SEMA4F: variants seen among roughly 807,000 people sequenced by gnomAD.
SEMA4F encodes ssemaphorin 4F, also known as semaphorin-4F.
In SEMA4F, 51 loss-of-function variants were observed where a neutral mutation model predicts 78.4. The ratio of observed to expected loss-of-function variants is 0.65; its 90% CI spans 0.52 to 0.82. SEMA4F has a LOEUF of 0.82. SEMA4F is among the 40% of genes least tolerant of loss of function. SEMA4F has a pLI of 0.00. For missense variants in SEMA4F, 938 were observed against 1,014.4 expected, an observed-to-expected ratio of 0.92 and a Z score of 1.02; for synonymous variants, 418 against 408.7, an observed-to-expected ratio of 1.02 and a Z score of -0.27.
chr2:74,657,724 C>A, intron 3 of SEMA4F, 100 bp downstream of exon 3: 1 of 1,411,846 alleles, frequency 7.1e-7, no homozygotes, highest in Non-Finnish European at 1.0e-6. Context: ...TGGGCCCAGG[C>A]AGAGACTCTA....
rs764147831 is a variant in SEMA4F, at chr2:74,675,154, T to C, written c.1150-8T>C. On this transcript the variant is annotated splice_region_variant and splice_polypyrimidine_tract_variant and intron_variant, in intron 9 of 13. Coordinates refer to ENST00000357877, the MANE Select transcript of SEMA4F (RefSeq NM_004263.5). ...GAAACTTTGTCACCAGCCCTGTATT[T>C]CCTCTAGTGCATCACCAACAACATG... The C allele has an allele frequency of 2.5e-6, 4 of 1,613,936 alleles. No homozygotes were observed. Among genetic ancestry groups the C allele is most frequent in the Admixed American group, 3.3e-5 (2 of 59,994 alleles).
At chr2:74,672,801 C>T (rs1685054237) in intron 5 of SEMA4F, among the ~76,000 whole-genome samples, 1 of 152,130 alleles carries the variant, frequency 6.6e-6, no homozygotes, top group Non-Finnish European at 1.5e-5. Flanking sequence ...CCTGTGAAAT[C>T]TCCACTCATC....
chr2:74,690,639 A>G, the SEMA4F span, among the ~76,000 whole-genome samples: 3 of 152,256 alleles, frequency 2.0e-5, no homozygotes, highest in African/African-American at 4.8e-5. Flanking sequence ...GAGAAATACA[A>G]TATGACTATT....
chr2:74,675,481 A>AG (rs781330859), intron 10 of SEMA4F, 44 bp from the exon 11 acceptor site: 13 of 1,598,766 alleles, frequency 8.1e-6, no homozygotes, highest in Non-Finnish European at 1.0e-5. Flanking sequence ...TCCCAGGCAC[A>AG]GGGGCAATTA....
At chr2:74,700,453 G>A in the SEMA4F span, among the ~76,000 whole-genome samples, 2 of 152,128 alleles carry the variant, frequency 1.3e-5, no homozygotes, top group African/African-American at 4.8e-5. Context: ...CATGGCATTG[G>A]ATCCAACCAT....
chr2:74,671,347 G>A (rs1684978175), intron 5 of SEMA4F, among the ~76,000 whole-genome samples: 1 of 152,192 alleles, frequency 6.6e-6, no homozygotes, highest in Admixed American at 6.5e-5. Flanking sequence ...GAGACACGCT[G>A]CTTCTCTGGA....
downstream of SEMA4F, among the ~76,000 whole-genome samples, chr2:74,685,148 G>A (rs527929661): frequency 5.0e-4 from 76 of 152,250 alleles, 1 homozygote; most frequent in Admixed American, 5.0e-3. Context: ...CTGTCTCCAT[G>A]GAGTACAGTG....
the SEMA4F span, among the ~76,000 whole-genome samples, chr2:74,696,012 T>G: frequency 6.6e-6 from 1 of 152,120 alleles, no homozygotes; most frequent in South Asian, 2.1e-4. Context: ...GGGCCCCACC[T>G]AAAATCAAAT....
In SEMA4F at chr2:74,656,560, G is replaced by C. The variant is rs746352642; in HGVS notation, c.172G>C (p.Ala58Pro). The stretch of plus-strand genomic sequence containing the variant: ...GGCTGACTCCTGTCTCACCCGGTTC[G>C]CAGTCCCTCACACATACAATTACTC... ...SEADSCLTRFAVPHTYNYSVL... is the reference protein window; with the variant it reads ...SEADSCLTRFPVPHTYNYSVL... The change falls in exon 2 of 14, where the codon GCA becomes CCA. Residue 58 changes from alanine to proline, a missense_variant. Coordinates refer to ENST00000357877, the MANE Select transcript of SEMA4F (RefSeq NM_004263.5). 3 of 1,613,796 alleles carry C rather than the reference G, an allele frequency of 1.9e-6. No individual in the cohort carries two copies.
the SEMA4F span, among the ~76,000 whole-genome samples, chr2:74,707,994 G>A: frequency 6.6e-6 from 1 of 151,992 alleles, no homozygotes; most frequent in Non-Finnish European, 1.5e-5. Context: ...CTCACTCAGG[G>A]CTGAGAACAG....
At chr2:74,657,673 C>T (rs1358620103) in intron 3 of SEMA4F, 49 bp downstream of exon 3, 2 of 1,573,816 alleles carry the variant, frequency 1.3e-6, no homozygotes, top group African/African-American at 2.7e-5. Flanking sequence ...AGACCTTGGC[C>T]CAGCCCTGAC....
At chr2:74,705,523 AG>A in the SEMA4F span, among the ~76,000 whole-genome samples, 2 of 152,262 alleles carry the variant, frequency 1.3e-5, no homozygotes, top group Non-Finnish European at 2.9e-5. Flanking sequence ...TCATATAAAA[AG>A]CAGATTATAA....
In SEMA4F at chr2:74,679,552, C is replaced by G. The variant is rs200032294; in HGVS notation, c.1703-47C>G. The G allele has an allele frequency of 3.0e-3, 4,667 of 1,562,768 alleles. 13 individuals carry two copies. The highest frequency in any genetic ancestry group is 3.6e-3 in the Non-Finnish European group (4,113 of 1,154,234). ...CCCCACACTTTTCTTCATCACACCTCCAGCCTTTAGCCTCACCTCCTTTTG... is the reference window on the plus strand; with the variant it reads ...CCCCACACTTTTCTTCATCACACCTGCAGCCTTTAGCCTCACCTCCTTTTG... On this transcript the variant is annotated intron_variant, in intron 13 of 13. Transcript: ENST00000357877.
At chr2:74,702,796 A>G in the SEMA4F span, among the ~76,000 whole-genome samples, 1 of 152,240 alleles carries the variant, frequency 6.6e-6, no homozygotes, top group African/African-American at 2.4e-5. Flanking sequence ...ACTGGTAGTA[A>G]TGCTTTATCT....
At chr2:74,684,901 G>C (rs1389184767), downstream of SEMA4F, among the ~76,000 whole-genome samples, 1 of 152,258 alleles carries the variant, frequency 6.6e-6, no homozygotes, top group East Asian at 1.9e-4. Context: ...GAGCCTGGGA[G>C]GTGGAGGCTG....
chr2:74,675,997 C>T (rs371319430), intron 12 of SEMA4F, 88 bp downstream of exon 12: 117 of 1,407,652 alleles, frequency 8.3e-5, no homozygotes, highest in African/African-American at 5.3e-4. Context: ...TAATGCTGCC[C>T]TGCCGGAGGC....
chr2:74,684,141 T>C (rs1205350821), downstream of SEMA4F, among the ~76,000 whole-genome samples: 1 of 151,598 alleles, frequency 6.6e-6, no homozygotes, highest in Non-Finnish European at 1.5e-5. Flanking sequence ...CATAATAATA[T>C]AGGTCATCAT....
chr2:74,659,194 A>G (rs181390554), intron 4 of SEMA4F, among the ~76,000 whole-genome samples: 232 of 152,266 alleles, frequency 1.5e-3, no homozygotes, highest in Non-Finnish European at 2.6e-3. Flanking sequence ...TAATTTCCCT[A>G]CAGTTCTCCT....
At chr2:74,689,648 T>C in the SEMA4F span, among the ~76,000 whole-genome samples, 1 of 152,182 alleles carries the variant, frequency 6.6e-6, no homozygotes, top group Non-Finnish European at 1.5e-5. Flanking sequence ...GCTTCAGTAT[T>C]GACCTGAAAA....
Sources: gnomAD v4.1 joint callset for allele counts (sites outside exome capture counted in the v4.1 genomes callset) on GRCh38, gnomAD v4.1.1 for gene constraint, MANE v1.5 for transcripts, NCBI Gene and HGNC (gene_info 2026-07-23, HGNC 2026-07-21) for gene names.